PRKCH: variants seen among roughly 807,000 people sequenced by gnomAD.
The protein encoded by PRKCH is protein kinase C eta.
Under a neutral mutation model 82.5 loss-of-function variants are expected in PRKCH, and 28 were observed. The observed-to-expected ratio is 0.34, with a 90% CI of 0.25 to 0.47. The LOEUF is 0.47. PRKCH is among the 20% of genes least tolerant of loss of function. PRKCH has a pLI of 1.00. For synonymous variants in PRKCH, 322 were observed against 327.4 expected (o/e 0.98, Z 0.18); for missense variants, 705 against 881.8 (o/e 0.80, Z 2.54).
chr14:61,209,311 A>T (rs1364686286), intron 1 of PRKCH, among the ~76,000 whole-genome samples: 282 of 1,594 alleles, frequency 0.18, 2 homozygotes, highest in African/African-American at 0.24. Context: ...GCCTTTATTT[A>T]AAAAAAAAAA....
At chr14:61,428,042 T>TATAG (rs1166349303) in intron 2 of PRKCH, among the ~76,000 whole-genome samples, 2,068 of 121,842 alleles carry the variant, frequency 0.017, 72 homozygotes, top group African/African-American at 0.063. Context: ...AATATATATA[T>TATAG]ATAGATAGAT....
chr14:61,360,444 G>T (rs1424803961), intron 1 of PRKCH, among the ~76,000 whole-genome samples: 2 of 152,130 alleles, frequency 1.3e-5, no homozygotes, highest in African/African-American at 2.4e-5. Flanking sequence ...GGCGGAGGTT[G>T]CAGGGAGCCG....
At chr14:61,291,581 C>T (rs1051796521) in intron 1 of PRKCH, among the ~76,000 whole-genome samples, 9 of 152,204 alleles carry the variant, frequency 5.9e-5, no homozygotes, top group African/African-American at 1.9e-4. Flanking sequence ...CTGCCCGCCT[C>T]GGCCTCCCAA....
intron 1 of PRKCH, among the ~76,000 whole-genome samples, chr14:61,265,560 A>G (rs2045092493): frequency 6.6e-6 from 1 of 152,230 alleles, no homozygotes; most frequent in Non-Finnish European, 1.5e-5. Context: ...ATACTTAGGT[A>G]TTGGCAGAAA....
chr14:61,513,919 TC>T (rs753802189), intron 10 of PRKCH, among the ~76,000 whole-genome samples: 21 of 152,018 alleles, frequency 1.4e-4, no homozygotes, highest in Non-Finnish European at 2.8e-4. Context: ...TATCATCGTG[TC>T]CCATCCCATC....
At position 61,280,101 on chromosome 14, in the gene PRKCH, G is replaced by C. The variant is rs766600163; in HGVS notation, c.-19+92433G>C. On this transcript the variant is annotated intron_variant, in intron 1 of 3. Coordinates refer to the PRKCH transcript ENST00000555185. This position sits in a 1 kb window ranked among gnomAD's most constrained non-coding sequence, Gnocchi z 5.0. ...CCCTGGAAAGCCGGAATCACTCCTCGTCGTCGTCGTCCTGGTCCTGGTAGC... is the reference window on the plus strand; with the variant it reads ...CCCTGGAAAGCCGGAATCACTCCTCCTCGTCGTCGTCCTGGTCCTGGTAGC... The C allele has an allele frequency of 5.6e-6, 9 of 1,604,980 alleles. No individual in the cohort carries two copies. In the East Asian group the frequency reaches 1.1e-4, roughly 20 times the overall value.
chr14:61,210,161 T>TAAAA (rs749011188), intron 1 of PRKCH, among the ~76,000 whole-genome samples: 4 of 95,150 alleles, frequency 4.2e-5, no homozygotes, highest in Non-Finnish European at 6.6e-5. Flanking sequence ...TATATATATA[T>TAAAA]AAATTAGCTT....
At chr14:61,333,376 G>GT (rs1273116196) in intron 1 of PRKCH, among the ~76,000 whole-genome samples, 1 of 151,990 alleles carries the variant, frequency 6.6e-6, no homozygotes. Flanking sequence ...AGGACCTCAG[G>GT]TTGAGAAACC....
At position 61,332,380 on chromosome 14, in the gene PRKCH, T is replaced by A. The variant is rs77460813; in HGVS notation, c.363+9916T>A. Among the ~76,000 whole-genome samples the A allele has an allele frequency of 1.4e-3, 208 of 152,346 alleles. 2 individuals are homozygous for A. The East Asian group carries it at 0.023, about 17-fold the overall frequency. On this transcript the variant is annotated intron_variant, in intron 1 of 13. Coordinates refer to ENST00000332981, the MANE Select transcript of PRKCH (RefSeq NM_006255.5). Reference sequence around the variant, plus strand: ...TGTTAGTGTGCTTCTGTAGCACCAGTAAATTAGAGCAGTATCTGTCAAAGC... The same window carrying A: ...TGTTAGTGTGCTTCTGTAGCACCAGAAAATTAGAGCAGTATCTGTCAAAGC...
intron 2 of PRKCH, among the ~76,000 whole-genome samples, chr14:61,408,115 A>G (rs1364954321): frequency 6.6e-6 from 1 of 152,168 alleles, no homozygotes; most frequent in Non-Finnish European, 1.5e-5. Flanking sequence ...GAGAAGGATC[A>G]CTTCTTTACT....
chr14:61,520,578 T>G (rs934681013), intron 10 of PRKCH, among the ~76,000 whole-genome samples: 3 of 152,206 alleles, frequency 2.0e-5, no homozygotes, highest in African/African-American at 7.2e-5. Flanking sequence ...CTCAAGTTTT[T>G]AAATGGTTAA....
At chr14:61,358,820 C>G (rs143571880) in intron 1 of PRKCH, among the ~76,000 whole-genome samples, 4 of 152,142 alleles carry the variant, frequency 2.6e-5, no homozygotes, top group Admixed American at 1.3e-4. Flanking sequence ...AGGCCCTGCT[C>G]TTTAGGCTCT....
At chr14:61,531,055 C>T (rs2043038877) in intron 12 of PRKCH, among the ~76,000 whole-genome samples, 1 of 152,172 alleles carries the variant, frequency 6.6e-6, no homozygotes, top group Non-Finnish European at 1.5e-5. Flanking sequence ...GGAAGGTTTT[C>T]CAAACCTCTG....
chr14:61,276,826 A>G (rs2045207731), intron 1 of PRKCH, among the ~76,000 whole-genome samples: 2 of 152,174 alleles, frequency 1.3e-5, no homozygotes, highest in African/African-American at 4.8e-5. Context: ...GGTTTTGATT[A>G]TATATTATGA....
chr14:61,446,472 A>G (rs1884230870), intron 4 of PRKCH, among the ~76,000 whole-genome samples: 1 of 152,236 alleles, frequency 6.6e-6, no homozygotes, highest in African/African-American at 2.4e-5. Flanking sequence ...ATAAAATAGC[A>G]CCACATATCC....
At chr14:61,324,044 A>T (rs558787499) in intron 1 of PRKCH, among the ~76,000 whole-genome samples, 75 of 152,318 alleles carry the variant, frequency 4.9e-4, no homozygotes, top group African/African-American at 1.6e-3. Flanking sequence ...GGGACCTTTA[A>T]AAAATCCCCA....
chr14:61,286,685 A>C (rs955657300), intron 1 of PRKCH, among the ~76,000 whole-genome samples: 1 of 152,166 alleles, frequency 6.6e-6, no homozygotes, highest in African/African-American at 2.4e-5. Context: ...CTGAGGCAGG[A>C]GAATCGCTTG....
At chr14:61,199,530 T>G (rs376861467) in intron 1 of PRKCH, among the ~76,000 whole-genome samples, 18 of 152,266 alleles carry the variant, frequency 1.2e-4, no homozygotes, top group African/African-American at 4.1e-4. Flanking sequence ...TTTCATCATC[T>G]GCTTTTGAAA....
Position 61,465,515 on chromosome 14 carries a change from T to A in PRKCH, c.1278+7836T>A, listed in dbSNP as rs139761446. On this transcript the variant is annotated intron_variant, in intron 9 of 13. Coordinates refer to ENST00000332981, the MANE Select transcript of PRKCH (RefSeq NM_006255.5). Reference sequence around the variant, plus strand: ...TTGTTGTGTGTCCTTGGGATCTTTGTTGATAATTAATTGATTGTAAAGGTG... The same window carrying A: ...TTGTTGTGTGTCCTTGGGATCTTTGATGATAATTAATTGATTGTAAAGGTG... 4.7e-4 allele frequency among the ~76,000 whole-genome samples: 71 copies of A among 152,362 alleles called. No individual in the cohort carries two copies. The East Asian group carries it at 0.012, about 25-fold the overall frequency.
Sources: allele counts gnomAD v4.1 joint callset (sites outside exome capture counted in the v4.1 genomes callset), GRCh38; gene constraint gnomAD v4.1.1; non-coding constraint Gnocchi (gnomAD v3.1); transcripts MANE v1.5; gene names NCBI Gene and HGNC (gene_info 2026-07-23, HGNC 2026-07-21).